Variants in MMP16 observed in about 807,000 individuals in gnomAD.
MMP16 encodes matrix metalloproteinase-16.
Under a neutral mutation model 67.8 loss-of-function variants are expected in MMP16, and 12 were observed. The observed-to-expected ratio is 0.18, with a 90% CI of 0.11 to 0.29. The LOEUF (loss-of-function observed/expected upper bound fraction) is 0.29. Among genes scored for constraint, MMP16 ranks in the 10% least tolerant of loss-of-function variants. The pLI is 1.00. For synonymous variants in MMP16, 249 were observed against 255.9 expected (o/e 0.97, Z 0.26); for missense variants, 475 against 765.7 (o/e 0.62, Z 4.48).
chr8:88,227,019 A>G (rs2129862502), intron 1 of MMP16, among the ~76,000 whole-genome samples: 1 of 152,096 alleles, frequency 6.6e-6, no homozygotes, highest in Admixed American at 6.6e-5. Context: ...CTCACTTACA[A>G]ATAAACAAAA....
rs555991264 is a variant in MMP16 at position 88,127,115 on chromosome 8, A to G, written c.710-8254T>C. 9.9e-5 allele frequency among the ~76,000 whole-genome samples: 15 copies of G among 152,032 alleles called. No individual in the cohort carries two copies. In the East Asian group the frequency reaches 2.9e-3, roughly 30 times the overall value. Reference sequence around the variant, plus strand: ...TATCAGTTCTGACTTTACCAAAACTAGTGCACCAACTGGTTAAACATGGTT... The same window carrying G: ...TATCAGTTCTGACTTTACCAAAACTGGTGCACCAACTGGTTAAACATGGTT... On this transcript the variant is annotated intron_variant, in intron 4 of 9. Coordinates refer to ENST00000286614, the MANE Select transcript of MMP16 (RefSeq NM_005941.5).
At chr8:88,103,108 T>C (rs938769114) in intron 6 of MMP16, among the ~76,000 whole-genome samples, 7 of 151,852 alleles carry the variant, frequency 4.6e-5, no homozygotes, top group Non-Finnish European at 8.8e-5. Flanking sequence ...TTGATTTCTA[T>C]AGTAAGCTAC....
intron 1 of MMP16, among the ~76,000 whole-genome samples, chr8:88,247,582 T>C (rs542019703): frequency 2.1e-4 from 32 of 152,064 alleles, no homozygotes; most frequent in African/African-American, 7.7e-4. Context: ...GTTGTGGTTC[T>C]TAACAAGAAC....
At chr8:88,186,202 G>A (rs1809069538) in intron 3 of MMP16, 2 of 291,864 alleles carry the variant, frequency 6.9e-6, no homozygotes, top group Non-Finnish European at 1.3e-5. Context: ...CATGTAATAT[G>A]TTAGAACATT....
chr8:88,043,651 C>A (rs1280210764), intron 9 of MMP16, among the ~76,000 whole-genome samples: 1 of 152,182 alleles, frequency 6.6e-6, no homozygotes. Context: ...CTTCAGGTCA[C>A]TTCATTCTGG....
intron 4 of MMP16, among the ~76,000 whole-genome samples, chr8:88,132,565 T>A (rs1002542725): frequency 2.0e-5 from 3 of 151,876 alleles, no homozygotes; most frequent in African/African-American, 7.2e-5. Flanking sequence ...CCTCACCATG[T>A]GGGCTCTTTT....
intron 6 of MMP16, among the ~76,000 whole-genome samples, chr8:88,085,473 T>C (rs1244384544): frequency 1.3e-5 from 2 of 152,036 alleles, no homozygotes; most frequent in African/African-American, 4.8e-5. Context: ...TCACTTAAGA[T>C]TGACCAGATG....
chr8:88,165,384 C>T (rs924236053), intron 4 of MMP16, among the ~76,000 whole-genome samples: 8 of 151,882 alleles, frequency 5.3e-5, no homozygotes, highest in African/African-American at 1.9e-4. Flanking sequence ...TTCAAAACTA[C>T]AGATTTACAA....
chr8:88,313,780 G>A (rs1345326674), intron 1 of MMP16, among the ~76,000 whole-genome samples: 1 of 152,028 alleles, frequency 6.6e-6, no homozygotes, highest in Non-Finnish European at 1.5e-5. Context: ...TGGCTGGCGA[G>A]GCCTCACATT....
chr8:88,217,961 T>C (rs1190007077), intron 1 of MMP16, among the ~76,000 whole-genome samples: 1 of 152,076 alleles, frequency 6.6e-6, no homozygotes, highest in East Asian at 1.9e-4. Flanking sequence ...GGTTCTTTAG[T>C]ATGCATGACA....
chr8:88,228,666 T>C (rs1809809354), intron 1 of MMP16, among the ~76,000 whole-genome samples: 1 of 152,060 alleles, frequency 6.6e-6, no homozygotes. Context: ...ACCAAAAATA[T>C]GTGCAAATTA....
chr8:88,325,393 C>G (rs1306014392), intron 1 of MMP16, among the ~76,000 whole-genome samples: 1 of 152,096 alleles, frequency 6.6e-6, no homozygotes, highest in East Asian at 1.9e-4. Flanking sequence ...GCTGTCCTTC[C>G]CTTCCCTTAT....
chr8:88,168,635 T>C (rs1808753091), intron 3 of MMP16, among the ~76,000 whole-genome samples: 1 of 152,188 alleles, frequency 6.6e-6, no homozygotes, highest in Non-Finnish European at 1.5e-5. Context: ...ACACATTAAA[T>C]CACTATAAAT....
intron 6 of MMP16, among the ~76,000 whole-genome samples, chr8:88,114,062 A>T (rs1809386340): frequency 1.3e-5 from 2 of 151,882 alleles, no homozygotes; most frequent in South Asian, 4.1e-4. Context: ...TTTCAAAAAA[A>T]CTTTTCTGAC....
chr8:88,118,593 T>G, intron 5 of MMP16, 107 bp downstream of exon 5: 1 of 1,044,456 alleles, frequency 9.6e-7, no homozygotes, highest in Non-Finnish European at 1.4e-6. Context: ...ATACTTTTTC[T>G]GTAGTCATCT....
At chr8:88,070,981 T>C (rs1335058570) in intron 7 of MMP16, among the ~76,000 whole-genome samples, 2 of 152,076 alleles carry the variant, frequency 1.3e-5, no homozygotes, top group East Asian at 1.9e-4. Flanking sequence ...TACTTTAACA[T>C]ACTAAAAAGC....
chr8:88,170,712 C>G (rs780744425), intron 3 of MMP16, among the ~76,000 whole-genome samples: 34 of 152,076 alleles, frequency 2.2e-4, no homozygotes, highest in Non-Finnish European at 4.6e-4. Context: ...AGTTCAATGG[C>G]AGAAGGAGCC....
chr8:88,193,286 G>A (rs1330924110), intron 2 of MMP16, among the ~76,000 whole-genome samples: 1 of 152,152 alleles, frequency 6.6e-6, no homozygotes, highest in Non-Finnish European at 1.5e-5. Flanking sequence ...ATTATGTTAA[G>A]TGAAATAGGT....
At chr8:88,294,863 C>A (rs911825826) in intron 1 of MMP16, among the ~76,000 whole-genome samples, 1 of 152,130 alleles carries the variant, frequency 6.6e-6, no homozygotes, top group African/African-American at 2.4e-5. Context: ...CAGGTGCCTG[C>A]CACCATGCCT....
Sources: gnomAD v4.1 joint callset for allele counts (sites outside exome capture counted in the v4.1 genomes callset) on GRCh38, gnomAD v4.1.1 for gene constraint, MANE v1.5 for transcripts, NCBI Gene and HGNC (gene_info 2026-07-23, HGNC 2026-07-21) for gene names.